The following NXPH1 variants were observed in gnomAD, a reference collection of about 807,000 sequenced individuals.
The protein encoded by NXPH1 is neurexophilin-1.
A neutral mutation model predicts 23.7 loss-of-function variants in NXPH1; 5 were observed. That is an observed-to-expected ratio of 0.21 (90% CI 0.11 to 0.44). The LOEUF (loss-of-function observed/expected upper bound fraction) is 0.44. Ranked by LOEUF, NXPH1 falls within the 20% of genes least tolerant of loss-of-function variation. NXPH1 has a pLI of 0.99. For missense variants in NXPH1, 324 were observed against 321.6 expected (o/e 1.01, Z -0.06); for synonymous variants, 144 against 122.2 (o/e 1.18, Z -1.18).
chr7:8,495,562 AT>A (rs544947266), intron 2 of NXPH1, among the ~76,000 whole-genome samples: 12 of 151,698 alleles, frequency 7.9e-5, no homozygotes, highest in African/African-American at 2.7e-4. Context: ...CTTTTCTAGC[AT>A]TTTTTTTCAT....
intron 2 of NXPH1, among the ~76,000 whole-genome samples, chr7:8,480,950 T>G (rs958466146): frequency 1.2e-4 from 18 of 152,198 alleles, no homozygotes; most frequent in African/African-American, 4.3e-4. Flanking sequence ...TCTTTTTATC[T>G]TCCAGACACT....
chr7:8,553,699 C>G (rs1818312134), intron 2 of NXPH1, among the ~76,000 whole-genome samples: 1 of 151,594 alleles, frequency 6.6e-6, no homozygotes, highest in South Asian at 2.1e-4. Context: ...GCTAACTTAT[C>G]TCCACAGATT....
chr7:8,450,648 C>A (rs1584162648), intron 2 of NXPH1, among the ~76,000 whole-genome samples: 1 of 152,310 alleles, frequency 6.6e-6, no homozygotes, highest in South Asian at 2.1e-4. Flanking sequence ...CTACTTTTGA[C>A]CTTGGGAGAG....
At chr7:8,734,979 G>T (rs1464211114) in intron 2 of NXPH1, among the ~76,000 whole-genome samples, 1 of 152,114 alleles carries the variant, frequency 6.6e-6, no homozygotes, top group Non-Finnish European at 1.5e-5. Context: ...TGTGATTTTT[G>T]CACATTGATT....
intron 2 of NXPH1, among the ~76,000 whole-genome samples, chr7:8,561,759 T>G (rs921741071): frequency 6.6e-6 from 1 of 151,328 alleles, no homozygotes; most frequent in Non-Finnish European, 1.5e-5. Flanking sequence ...AGAAAAAAAG[T>G]GTAGAGCACC....
chr7:8,475,265 G>A (rs760987827), intron 2 of NXPH1, among the ~76,000 whole-genome samples: 3 of 152,034 alleles, frequency 2.0e-5, no homozygotes, highest in African/African-American at 7.2e-5. Context: ...GAACCCTGCT[G>A]CTTGGTGTCC....
intron 2 of NXPH1, among the ~76,000 whole-genome samples, chr7:8,652,229 A>G (rs1355121076): frequency 6.6e-6 from 1 of 152,198 alleles, no homozygotes; most frequent in East Asian, 1.9e-4. Flanking sequence ...AAGCTGTAAC[A>G]AAATCACCTT....
intron 2 of NXPH1, 122 bp from the exon 3 acceptor site, chr7:8,750,886 C>A: frequency 1.1e-6 from 1 of 910,202 alleles, no homozygotes; most frequent in Non-Finnish European, 1.7e-6. Context: ...TTCTCAGATG[C>A]GGTGCTTTTA....
chr7:8,525,260 G>C (rs1817843756), intron 2 of NXPH1, among the ~76,000 whole-genome samples: 1 of 152,192 alleles, frequency 6.6e-6, no homozygotes, highest in Admixed American at 6.5e-5. Context: ...TTGGAACTTT[G>C]AACTTGAGAG....
chr7:8,598,853 T>A (rs931460471), intron 2 of NXPH1, among the ~76,000 whole-genome samples: 3 of 152,194 alleles, frequency 2.0e-5, no homozygotes, highest in Non-Finnish European at 2.9e-5. Flanking sequence ...GAAGCCAGCC[T>A]AATTGCTTCT....
chr7:8,745,457 TAG>T (rs2115231328), intron 2 of NXPH1, among the ~76,000 whole-genome samples: 1 of 151,074 alleles, frequency 6.6e-6, no homozygotes, highest in African/African-American at 2.4e-5. Flanking sequence ...GTGGGTGGAG[TAG>T]AGAGATGTTT....
At chr7:8,666,053 A>AT (rs71017612) in intron 2 of NXPH1, among the ~76,000 whole-genome samples, 2 of 150,994 alleles carry the variant, frequency 1.3e-5, no homozygotes, top group South Asian at 4.2e-4. Flanking sequence ...TCTTTTGTCT[A>AT]TTTTTTTCTG....
intron 2 of NXPH1, among the ~76,000 whole-genome samples, chr7:8,450,967 T>A (rs1816496442): frequency 6.6e-6 from 1 of 151,534 alleles, no homozygotes; most frequent in Non-Finnish European, 1.5e-5. Flanking sequence ...ATTGTAGATT[T>A]ATTTATAGAA....
intron 2 of NXPH1, among the ~76,000 whole-genome samples, chr7:8,469,188 C>A (rs890956773): frequency 2.6e-5 from 4 of 151,654 alleles, no homozygotes; most frequent in African/African-American, 7.3e-5. Flanking sequence ...AAAAAAGTAC[C>A]ATTATAGTGA....
intron 2 of NXPH1, among the ~76,000 whole-genome samples, chr7:8,484,569 A>G (rs1817127400): frequency 6.6e-6 from 1 of 152,196 alleles, no homozygotes; most frequent in African/African-American, 2.4e-5. Context: ...GTAAGTTTTA[A>G]ACTGTATGCA....
At chr7:8,459,133 C>T (rs1448930640) in intron 2 of NXPH1, among the ~76,000 whole-genome samples, 2 of 150,268 alleles carry the variant, frequency 1.3e-5, no homozygotes, top group South Asian at 2.1e-4. Flanking sequence ...TAATGAACAT[C>T]TTGGGTTGTC....
At position 8,643,292 on chromosome 7, in the gene NXPH1, C is replaced by A. The variant is rs146896612; in HGVS notation, c.55-107716C>A. Reference sequence around the variant, plus strand: ...ATTTTTAATAATATATGTATATGTACATATATATTCTTATACATGTGTAAT... The same window carrying A: ...ATTTTTAATAATATATGTATATGTAAATATATATTCTTATACATGTGTAAT... On this transcript the variant is annotated intron_variant, in intron 2 of 2. Transcript: ENST00000405863. Among the ~76,000 whole-genome samples the A allele has an allele frequency of 7.1e-3, 1,087 of 152,058 alleles. 30 individuals are homozygous for A. Among genetic ancestry groups the A allele is most frequent in the South Asian group, 3.5e-3 (17 of 4,806 alleles).
At chr7:8,565,007 T>G (rs896012107) in intron 2 of NXPH1, among the ~76,000 whole-genome samples, 1 of 151,764 alleles carries the variant, frequency 6.6e-6, no homozygotes, top group African/African-American at 2.4e-5. Flanking sequence ...CCCTTAAATT[T>G]TGGATTAGAG....
At chr7:8,443,312 A>G (rs1050269796) in intron 2 of NXPH1, among the ~76,000 whole-genome samples, 2 of 152,158 alleles carry the variant, frequency 1.3e-5, no homozygotes, top group African/African-American at 2.4e-5. Context: ...CCCCCTACCC[A>G]GTCTCCCATT....
Sources: allele counts gnomAD v4.1 joint callset (sites outside exome capture counted in the v4.1 genomes callset), GRCh38; gene constraint gnomAD v4.1.1; transcripts MANE v1.5; gene names NCBI Gene and HGNC (gene_info 2026-07-23, HGNC 2026-07-21).